Variants in PARD3 observed in about 807,000 individuals in gnomAD.
PARD3 encodes the protein par-3 family cell polarity regulator.
A neutral mutation model predicts 155.4 loss-of-function variants in PARD3; 75 were observed. That is an observed-to-expected ratio of 0.48 (90% CI 0.40 to 0.58). The LOEUF (loss-of-function observed/expected upper bound fraction) is 0.58, where lower values mean the gene tolerates loss of function less well. Among genes scored for constraint, PARD3 ranks in the 20% least tolerant of loss-of-function variants. The pLI is 0.00. For missense variants in PARD3, 1,642 were observed against 1,721.7 expected, an observed-to-expected ratio of 0.95 and a Z score of 0.82; for synonymous variants, 576 against 610.5, an observed-to-expected ratio of 0.94 and a Z score of 0.83.
chr10:34,546,146 T>A (rs535629737), intron 2 of PARD3, among the ~76,000 whole-genome samples: 1 of 152,194 alleles, frequency 6.6e-6, no homozygotes, highest in African/African-American at 2.4e-5. Flanking sequence ...TAGTAACTAT[T>A]AATATTTTTT....
At chr10:34,138,086 G>A (rs1217746060) in intron 22 of PARD3, among the ~76,000 whole-genome samples, 1 of 152,194 alleles carries the variant, frequency 6.6e-6, no homozygotes, top group East Asian at 1.9e-4. Context: ...AACAAATGGT[G>A]CTTGTTGCAA....
intron 1 of PARD3, among the ~76,000 whole-genome samples, chr10:34,800,163 T>A (rs1228568437): frequency 1.3e-5 from 2 of 151,040 alleles, no homozygotes; most frequent in African/African-American, 4.9e-5. Context: ...AAGTTTCTTA[T>A]CCTCTCTAGC....
At chr10:34,342,046 C>A (rs914527212) in intron 15 of PARD3, among the ~76,000 whole-genome samples, 1 of 152,174 alleles carries the variant, frequency 6.6e-6, no homozygotes, top group African/African-American at 2.4e-5. Flanking sequence ...CAGGGCAATG[C>A]ATGCAATTTT....
intron 22 of PARD3, among the ~76,000 whole-genome samples, chr10:34,191,928 T>C (rs181347029): frequency 1.3e-5 from 2 of 152,276 alleles, no homozygotes; most frequent in East Asian, 3.9e-4. Flanking sequence ...ATAGAGACTA[T>C]AGGCTTACAG....
intron 22 of PARD3, among the ~76,000 whole-genome samples, chr10:34,227,684 G>A (rs1240484271): frequency 6.6e-6 from 1 of 151,532 alleles, no homozygotes; most frequent in African/African-American, 2.4e-5. Flanking sequence ...AGATGTTGGT[G>A]AGGTTGTGGA....
intron 2 of PARD3, among the ~76,000 whole-genome samples, chr10:34,575,167 A>C (rs898364914): frequency 6.6e-6 from 1 of 152,184 alleles, no homozygotes; most frequent in South Asian, 2.1e-4. Flanking sequence ...TTTCTTAATG[A>C]AAGTAAAACA....
intron 22 of PARD3, among the ~76,000 whole-genome samples, chr10:34,158,187 T>A (rs773313655): frequency 6.6e-6 from 1 of 152,042 alleles, no homozygotes; most frequent in Non-Finnish European, 1.5e-5. Flanking sequence ...GAAACCAGCC[T>A]GGACAATGAA....
At chr10:34,732,781 CATA>C (rs1308435836) in intron 1 of PARD3, among the ~76,000 whole-genome samples, 2 of 152,232 alleles carry the variant, frequency 1.3e-5, no homozygotes, top group Admixed American at 6.5e-5. Context: ...TACGTTACGC[CATA>C]ATATTTGCCT....
intron 2 of PARD3, among the ~76,000 whole-genome samples, chr10:34,523,981 T>A (rs1274064141): frequency 6.6e-6 from 1 of 152,160 alleles, no homozygotes; most frequent in African/African-American, 2.4e-5. Context: ...AGTATTTGAG[T>A]TTCTGAATTC....
intron 5 of PARD3, among the ~76,000 whole-genome samples, chr10:34,417,304 T>G (rs1418136690): frequency 6.6e-6 from 1 of 152,138 alleles, no homozygotes. Flanking sequence ...AATTACAGTA[T>G]TCAGGTAAGA....
chr10:34,723,816 G>A (rs950035918), intron 1 of PARD3, among the ~76,000 whole-genome samples: 2 of 152,198 alleles, frequency 1.3e-5, no homozygotes, highest in African/African-American at 4.8e-5. Flanking sequence ...CCGCAGGGAT[G>A]CAGGACCAGG....
chr10:34,808,657 G>A (rs372647709), intron 1 of PARD3, among the ~76,000 whole-genome samples: 2 of 152,068 alleles, frequency 1.3e-5, no homozygotes, highest in Admixed American at 6.5e-5. Flanking sequence ...AAAAAATACC[G>A]AGGGCTCTAA....
chr10:34,134,950 A>G (rs1947814244), intron 22 of PARD3, among the ~76,000 whole-genome samples: 1 of 152,232 alleles, frequency 6.6e-6, no homozygotes, highest in Non-Finnish European at 1.5e-5. Context: ...CTGCCAAGAA[A>G]GCTAAAGGAA....
chr10:34,784,346 A>G (rs1407484683), intron 1 of PARD3, among the ~76,000 whole-genome samples: 1 of 152,178 alleles, frequency 6.6e-6, no homozygotes, highest in Non-Finnish European at 1.5e-5. Flanking sequence ...AAAGACCCAC[A>G]TGTTTTAGGA....
chr10:34,143,428 A>T (rs1003450864), intron 22 of PARD3, among the ~76,000 whole-genome samples: 1 of 152,246 alleles, frequency 6.6e-6, no homozygotes, highest in Non-Finnish European at 1.5e-5. Context: ...TCATATTAGA[A>T]AGGTTTTATC....
intron 3 of PARD3, among the ~76,000 whole-genome samples, chr10:34,470,559 T>G (rs1039635621): frequency 6.6e-6 from 1 of 152,198 alleles, no homozygotes; most frequent in Non-Finnish European, 1.5e-5. Context: ...CTGCCTCTAG[T>G]CCTTTCCAAC....
chr10:34,467,206 T>C (rs1231929633), intron 4 of PARD3, among the ~76,000 whole-genome samples: 9 of 151,910 alleles, frequency 5.9e-5, no homozygotes, highest in Non-Finnish European at 1.5e-5. Context: ...CAATCTACAA[T>C]GAAATGTTTT....
intron 2 of PARD3, among the ~76,000 whole-genome samples, chr10:34,677,680 C>T (rs1278477233): frequency 6.6e-6 from 1 of 152,106 alleles, no homozygotes; most frequent in African/African-American, 2.4e-5. Flanking sequence ...GGAAACAGTT[C>T]TGAAGCACCT....
chr10:34,479,828 C>A (rs568375417), intron 3 of PARD3, among the ~76,000 whole-genome samples: 1 of 152,264 alleles, frequency 6.6e-6, no homozygotes, highest in South Asian at 2.1e-4. Context: ...TGTCCTGGCA[C>A]CAAGTGTTTT....
Sources: allele counts gnomAD v4.1 joint callset (sites outside exome capture counted in the v4.1 genomes callset), GRCh38; gene constraint gnomAD v4.1.1; transcripts MANE v1.5; gene names NCBI Gene and HGNC (gene_info 2026-07-23, HGNC 2026-07-21).